The following PLA2G4C variants were observed in gnomAD, a reference collection of about 807,000 sequenced individuals.
The protein encoded by PLA2G4C is cytosolic phospholipase A2 gamma.
A neutral mutation model predicts 73.8 loss-of-function variants in PLA2G4C; 64 were observed. That is an observed-to-expected ratio of 0.87 (90% CI 0.71 to 1.07). PLA2G4C has a LOEUF of 1.07. Among genes scored for constraint, PLA2G4C ranks in the 50% least tolerant of loss-of-function variants. PLA2G4C has a pLI of 0.00. For synonymous variants in PLA2G4C, 254 were observed against 252.1 expected (o/e 1.01, Z -0.07); for missense variants, 622 against 665.4 (o/e 0.93, Z 0.72).
At chr19:48,087,196 G>A (rs1161282843) in intron 9 of PLA2G4C, among the ~76,000 whole-genome samples, 2 of 152,198 alleles carry the variant, frequency 1.3e-5, no homozygotes, top group Non-Finnish European at 2.9e-5. Context: ...TTCTGCTGGT[G>A]GGAAGTTTCT....
At chr19:48,106,462 A>G (rs1331473568) in intron 2 of PLA2G4C, 60 bp downstream of exon 2, 4 of 1,206,410 alleles carry the variant, frequency 3.3e-6, no homozygotes, top group Non-Finnish European at 5.0e-6. Flanking sequence ...GACACTCACT[A>G]TGCATTCCAT....
At chr19:48,070,417 A>T (rs1968611417) in intron 12 of PLA2G4C, among the ~76,000 whole-genome samples, 1 of 152,228 alleles carries the variant, frequency 6.6e-6, no homozygotes, top group African/African-American at 2.4e-5. Flanking sequence ...TCCAGACTGG[A>T]GCGTCAAATT....
At chr19:48,101,672 A>G (rs2122689036) in intron 4 of PLA2G4C, among the ~76,000 whole-genome samples, 1 of 127,360 alleles carries the variant, frequency 7.9e-6, no homozygotes, top group Non-Finnish European at 1.7e-5. Flanking sequence ...TTCCTTTAAT[A>G]TCTTTTTTTT....
At chr19:48,089,631 A>G (rs1041213861) in intron 8 of PLA2G4C, among the ~76,000 whole-genome samples, 2 of 152,222 alleles carry the variant, frequency 1.3e-5, no homozygotes, top group Non-Finnish European at 2.9e-5. Context: ...TAAACCCCAC[A>G]TCAAATATAC....
rs1405992234 is a variant in PLA2G4C at position 48,084,951 on chromosome 19, G to T, written c.844+108C>A. The T allele has an allele frequency of 3.7e-5, 29 of 776,918 alleles. No individual in the cohort carries two copies. In the Admixed American group the frequency reaches 6.1e-4, roughly 16 times the overall value. The allele number at this position is 776,918 out of a possible 1,614,324, so 48.1% of individuals were successfully genotyped here. On this transcript the variant is annotated intron_variant, in intron 10 of 16. Transcript: ENST00000599921. ...TAAATGTCAGGAAATGTGGTTGTTA[G>T]AACCATTATACACAGGCCTCTTTTC...
At chr19:48,102,053 T>G (rs928968242) in intron 4 of PLA2G4C, among the ~76,000 whole-genome samples, 3 of 152,116 alleles carry the variant, frequency 2.0e-5, no homozygotes, top group Admixed American at 1.3e-4. Flanking sequence ...TTCAAAGACC[T>G]AGTCTGACAA....
At chr19:48,056,318 C>T (rs1006861591) in intron 14 of PLA2G4C, among the ~76,000 whole-genome samples, 8 of 152,022 alleles carry the variant, frequency 5.3e-5, no homozygotes, top group South Asian at 2.1e-4. Context: ...GAGGCCAAGG[C>T]GGGCAGATCA....
chr19:48,094,132 C>T (rs919317971), intron 7 of PLA2G4C, among the ~76,000 whole-genome samples: 3 of 152,148 alleles, frequency 2.0e-5, no homozygotes, highest in Non-Finnish European at 4.4e-5. Flanking sequence ...TGCTTTTCCT[C>T]TAAGATATCT....
chr19:48,067,738 A>G, intron 13 of PLA2G4C, 53 bp downstream of exon 13: 3 of 1,203,742 alleles, frequency 2.5e-6, no homozygotes, highest in Non-Finnish European at 3.7e-6. Context: ...CCCCTACTCC[A>G]GCCCATTCAC....
At chr19:48,065,471 T>C (rs1968379210) in intron 13 of PLA2G4C, among the ~76,000 whole-genome samples, 1 of 151,612 alleles carries the variant, frequency 6.6e-6, no homozygotes, top group African/African-American at 2.4e-5. Context: ...CAAAAATCAG[T>C]TGAGCATGGT....
intron 12 of PLA2G4C, among the ~76,000 whole-genome samples, chr19:48,074,007 CAT>C (rs1388212860): frequency 6.6e-6 from 1 of 152,070 alleles, no homozygotes; most frequent in East Asian, 1.9e-4. Flanking sequence ...TTCCGGGACA[CAT>C]GTGCAGGACG....
chr19:48,078,234 T>C (rs2030302371), intron 10 of PLA2G4C, among the ~76,000 whole-genome samples: 1 of 152,080 alleles, frequency 6.6e-6, no homozygotes, highest in Non-Finnish European at 1.5e-5. Flanking sequence ...ATAAAAGCCA[T>C]CTATGACAAA....
At chr19:48,095,911 A>G (rs1431337569) in intron 6 of PLA2G4C, among the ~76,000 whole-genome samples, 1 of 152,210 alleles carries the variant, frequency 6.6e-6, no homozygotes. Flanking sequence ...GCAAGGGAAG[A>G]GTGTAGCCAC....
At chr19:48,092,454 C>G (rs2031362560) in intron 7 of PLA2G4C, among the ~76,000 whole-genome samples, 1 of 152,186 alleles carries the variant, frequency 6.6e-6, no homozygotes, top group Non-Finnish European at 1.5e-5. Flanking sequence ...TATTCATAGA[C>G]CCATGTGCAT....
At chr19:48,077,136 C>T (rs2030219157) in intron 11 of PLA2G4C, among the ~76,000 whole-genome samples, 1 of 152,148 alleles carries the variant, frequency 6.6e-6, no homozygotes, top group Non-Finnish European at 1.5e-5. Flanking sequence ...GCCTCTGACA[C>T]TTGGATCCTA....
intron 10 of PLA2G4C, among the ~76,000 whole-genome samples, chr19:48,080,842 T>C (rs1369415178): frequency 6.7e-6 from 1 of 149,966 alleles, no homozygotes; most frequent in East Asian, 2.0e-4. Context: ...TGTATGTTTA[T>C]AGCAGCACAA....
intron 4 of PLA2G4C, among the ~76,000 whole-genome samples, chr19:48,101,127 T>TA (rs1491266778): frequency 0.073 from 3,139 of 42,982 alleles, 34 homozygotes; most frequent in Middle Eastern, 0.13. Context: ...TATATATATA[T>TA]TTTTTTTTTT....
chr19:48,104,239 G>T (rs926878134), intron 4 of PLA2G4C: 3 of 197,270 alleles, frequency 1.5e-5, no homozygotes, highest in Admixed American at 1.1e-4. Context: ...TGTAAGTAAA[G>T]TGTGTTCCTG....
intron 13 of PLA2G4C, among the ~76,000 whole-genome samples, chr19:48,066,740 G>A (rs1462140968): frequency 6.6e-6 from 1 of 152,078 alleles, no homozygotes; most frequent in Non-Finnish European, 1.5e-5. Context: ...TGAGGTGGGA[G>A]GATCGCTTGA....
Sources: allele counts gnomAD v4.1 joint callset (sites outside exome capture counted in the v4.1 genomes callset), GRCh38; gene constraint gnomAD v4.1.1; transcripts MANE v1.5; gene names NCBI Gene and HGNC (gene_info 2026-07-23, HGNC 2026-07-21).